The following GPSM2 variants were observed in gnomAD, a reference collection of about 807,000 sequenced individuals.
The protein encoded by GPSM2 is G protein-signaling modulator 2.
GPSM2 carries 58 observed loss-of-function variants against 78.4 expected under a neutral mutation model. That is an observed-to-expected ratio of 0.74 (90% CI 0.60 to 0.92). The LOEUF (loss-of-function observed/expected upper bound fraction) is 0.92, where lower values mean the gene tolerates loss of function less well. Ranked by LOEUF, GPSM2 falls within the 40% of genes least tolerant of loss-of-function variation. The pLI, the probability that GPSM2 is intolerant of heterozygous loss-of-function variation, is 0.00. For missense variants in GPSM2, 700 were observed against 815.5 expected (o/e 0.86, Z 1.73); for synonymous variants, 224 against 280.2 (o/e 0.80, Z 2.00).
chr1:108,931,565 T>C lies in GPSM2; in HGVS notation c.*1625T>C. 1 of 1,474,446 alleles carries C rather than the reference T, an allele frequency of 6.8e-7. No individual in the cohort carries two copies. Among genetic ancestry groups the C allele is most frequent in the African/African-American group, 1.4e-5 (1 of 70,226 alleles). 91.3% of individuals were successfully genotyped at this position (1,474,446 alleles called of 1,614,324 possible). A position where few individuals can be genotyped will look rare whatever the true frequency, so the allele number is the denominator to read the frequency against. On this transcript the variant is annotated 3_prime_UTR_variant, in exon 15 of 15. Coordinates refer to ENST00000264126, the MANE Select transcript of GPSM2 (RefSeq NM_013296.5). ...GATTTGGATGGGCAAATAGAACTATTTCTCTAATGGCCAATGTTTTTTAAG... is the reference window on the plus strand; with the variant it reads ...GATTTGGATGGGCAAATAGAACTATCTCTCTAATGGCCAATGTTTTTTAAG...
intron 12 of GPSM2, 52 bp from the exon 13 acceptor site, chr1:108,922,365 A>G: frequency 7.7e-7 from 1 of 1,300,664 alleles, no homozygotes; most frequent in Non-Finnish European, 1.1e-6. Context: ...TTGATGATCT[A>G]AAGATAATAC....
intron 10 of GPSM2, among the ~76,000 whole-genome samples, chr1:108,911,475 C>T (rs922147425): frequency 7.9e-5 from 12 of 151,946 alleles, no homozygotes; most frequent in East Asian, 1.9e-4. Flanking sequence ...TGCAGTGAGC[C>T]GAGATCACGC....
rs1232781496 is a variant in GPSM2, at chr1:108,904,224, G to C, written c.1162G>C (p.Glu388Gln). 6.3e-7 allele frequency: 1 copy of C among 1,599,590 alleles called. No individual in the cohort carries two copies. ...CAGCACAAATAACTCCATAATGTCT[G>C]AAAATACTGAAATTGATAGCAGTTT... ...SYSTNNSIMS[E>Q]NTEIDSSLNG... Residue 388 changes from glutamate (E) to glutamine (Q), a missense_variant, in exon 10 of 15, where the codon GAA becomes CAA. Transcript: ENST00000264126.
Position 108,903,317 on chromosome 1 carries a change from T to C in GPSM2, c.1062+83T>C, listed in dbSNP as rs1426390315. ...GGGAGGGAACCCTATTTCTCTAGAT[T>C]GATCATGTGGCTGAATAATAAATTT... On this transcript the variant is annotated intron_variant, in intron 9 of 14. Coordinates refer to ENST00000264126, the MANE Select transcript of GPSM2 (RefSeq NM_013296.5). 8.0e-6 allele frequency: 6 copies of C among 747,790 alleles called. No homozygotes were observed. In the South Asian group the frequency reaches 8.8e-5, roughly 11 times the overall value. 46.3% of individuals were successfully genotyped at this position (747,790 alleles called of 1,614,324 possible). A position where few individuals can be genotyped will look rare whatever the true frequency, so the allele number is the denominator to read the frequency against.
Position 108,924,220 on chromosome 1 carries a change from T to G in GPSM2, c.1815+6T>G. On this transcript the variant is annotated splice_donor_region_variant and intron_variant, in intron 14 of 14. Transcript: ENST00000264126. ...ACATCCTTGTAAAATGTCAAGTATG[T>G]CTGTATATTTTTTTCGTTCTGCATA... The G allele has an allele frequency of 6.3e-7, 1 of 1,585,808 alleles. No individual in the cohort carries two copies. The highest frequency in any genetic ancestry group is 1.7e-4 in the Middle Eastern group (1 of 6,022).
intron 1 of GPSM2, among the ~76,000 whole-genome samples, chr1:108,882,326 T>C (rs1485669756): frequency 1.3e-5 from 2 of 152,206 alleles, no homozygotes; most frequent in Non-Finnish European, 2.9e-5. Flanking sequence ...CCAAAATCCA[T>C]GGATGCTCAA....
intron 11 of GPSM2, among the ~76,000 whole-genome samples, chr1:108,914,816 T>C (rs1202707150): frequency 1.3e-5 from 2 of 152,200 alleles, no homozygotes; most frequent in African/African-American, 2.4e-5. Context: ...GACAAGCTTT[T>C]TTCCCCAACT....
At chr1:108,917,855 A>C (rs565572126) in intron 11 of GPSM2, among the ~76,000 whole-genome samples, 1 of 151,056 alleles carries the variant, frequency 6.6e-6, no homozygotes, top group East Asian at 2.0e-4. Context: ...GATTGGTGGA[A>C]ATGTTCTTTG....
intron 2 of GPSM2, among the ~76,000 whole-genome samples, chr1:108,885,950 T>A (rs770775817): frequency 6.6e-6 from 1 of 152,168 alleles, no homozygotes; most frequent in African/African-American, 2.4e-5. Context: ...TTTAATGTGA[T>A]CTTTTAGACA....
Position 108,897,621 on chromosome 1 carries a change from T to A in GPSM2, c.408T>A (p.Asn136Lys). ...QRHLDISREL[N>K]DKVGEARALY... ...ACCTAGATATTTCCAGAGAGCTTAATGACAAGGTAATACCGCAGCATTAGA... is the reference window on the plus strand; with the variant it reads ...ACCTAGATATTTCCAGAGAGCTTAAAGACAAGGTAATACCGCAGCATTAGA... Residue 136 changes from asparagine (N) to lysine (K), a missense_variant, in exon 4 of 15, where the codon AAT becomes AAA. Asn to Lys is a moderately conservative substitution (Grantham distance 94). Coordinates refer to ENST00000264126, the MANE Select transcript of GPSM2 (RefSeq NM_013296.5). 1 of 1,613,698 alleles carries A rather than the reference T, an allele frequency of 6.2e-7. No homozygotes were observed. The highest frequency in any genetic ancestry group is 8.5e-7 in the Non-Finnish European group (1 of 1,179,636).
At chr1:108,879,773 C>G (rs1006905690) in intron 1 of GPSM2, among the ~76,000 whole-genome samples, 2 of 152,110 alleles carry the variant, frequency 1.3e-5, no homozygotes, top group African/African-American at 4.8e-5. Flanking sequence ...CGAGATCGCG[C>G]CACTGCACTC....
chr1:108,919,585 A>T (rs1037025119), intron 12 of GPSM2, among the ~76,000 whole-genome samples: 2 of 152,270 alleles, frequency 1.3e-5, no homozygotes, highest in East Asian at 3.9e-4. Flanking sequence ...CAAAAAATAA[A>T]AAGTTAGCCA....
Position 108,931,581 on chromosome 1 carries a change from G to A in GPSM2, c.*1641G>A, listed in dbSNP as rs2101589278. 1 of 1,311,688 alleles carries A rather than the reference G, an allele frequency of 7.6e-7. No homozygotes were observed. The highest frequency in any genetic ancestry group is 1.0e-6 in the Non-Finnish European group (1 of 999,360). 81.3% of individuals were successfully genotyped at this position (1,311,688 alleles called of 1,614,324 possible). A position where few individuals can be genotyped will look rare whatever the true frequency, so the allele number is the denominator to read the frequency against. ...TAGAACTATTTCTCTAATGGCCAAT[G>A]TTTTTTAAGAGTCATAACCTGGAAT... On this transcript the variant is annotated 3_prime_UTR_variant, in exon 15 of 15. Transcript: ENST00000264126.
chr1:108,883,065 C>T (rs1308311589), intron 1 of GPSM2, among the ~76,000 whole-genome samples: 1 of 152,066 alleles, frequency 6.6e-6, no homozygotes, highest in East Asian at 1.9e-4. Context: ...AGCAAGATCC[C>T]ATCTCTAAAA....
Position 108,903,189 on chromosome 1 carries a change from T to C in GPSM2, c.1017T>C (p.Asp339=), listed in dbSNP as rs774395167. 1.2e-6 allele frequency: 2 copies of C among 1,610,808 alleles called. No individual in the cohort carries two copies. The highest frequency in any genetic ancestry group is 1.3e-5 in the African/African-American group (1 of 74,854). Residue 339 remains aspartate, a synonymous_variant, in exon 9 of 15, where the codon GAT becomes GAC. Coordinates refer to ENST00000264126, the MANE Select transcript of GPSM2 (RefSeq NM_013296.5). ...CATACACAGCACTAGGAAATCATGA[T>C]CAAGCAATGCATTTTGCTGAAAAGC... ...GNAYTALGNH[D]QAMHFAEKHL... is the part of the protein sequence containing the mutation.
rs1382918003 is a variant in GPSM2, at chr1:108,934,499, TTTG to T, written c.*4562_*4564del. 4.3e-6 allele frequency: 3 copies of T among 692,302 alleles called. No individual in the cohort carries two copies. The highest frequency in any genetic ancestry group is 7.0e-6 in the Non-Finnish European group (3 of 430,446). 42.9% of individuals were successfully genotyped at this position (692,302 alleles called of 1,614,324 possible). On this transcript the variant is annotated 3_prime_UTR_variant, in exon 15 of 15. Coordinates refer to ENST00000264126, the MANE Select transcript of GPSM2 (RefSeq NM_013296.5). ...GAAAAGCTTTTACATATATAACGTG[TTTG>T]TTAATTCTAATTGTCAGTAAAAATG...
chr1:108,930,207 A>G lies in GPSM2; in HGVS notation c.*267A>G. ...GGCAGCTTGTGAGATTACTTTACCTAGTGTTTATAAAGTAGGAAGTTAAGT... is the reference window on the plus strand; with the variant it reads ...GGCAGCTTGTGAGATTACTTTACCTGGTGTTTATAAAGTAGGAAGTTAAGT... On this transcript the variant is annotated 3_prime_UTR_variant, in exon 15 of 15. Transcript: ENST00000264126. 1 of 378,250 alleles carries G rather than the reference A, an allele frequency of 2.6e-6. No homozygotes were observed. 23.4% of individuals were successfully genotyped at this position (378,250 alleles called of 1,614,324 possible).
rs1294071961 is a variant in GPSM2, at chr1:108,903,204, T to C, written c.1032T>C (p.Phe344=). Residue 344 remains phenylalanine, a synonymous_variant, in exon 9 of 15, where the codon TTT becomes TTC. Coordinates refer to ENST00000264126, the MANE Select transcript of GPSM2 (RefSeq NM_013296.5). ...GAAATCATGATCAAGCAATGCATTT[T>C]GCTGAAAAGCACTTGGAAATTTCAA... ...ALGNHDQAMH[F]AEKHLEISRE... 4 of 1,606,718 alleles carry C rather than the reference T, an allele frequency of 2.5e-6. No individual in the cohort carries two copies. The highest frequency in any genetic ancestry group is 3.4e-6 in the Non-Finnish European group (4 of 1,173,580).
At chr1:108,923,901 A>C in intron 13 of GPSM2, 99 bp from the exon 14 acceptor site, 1 of 856,246 alleles carries the variant, frequency 1.2e-6, no homozygotes, top group Non-Finnish European at 2.0e-6. Context: ...GGGACTGGCA[A>C]GGCCGAAAAG....
Sources: allele counts gnomAD v4.1 joint callset (sites outside exome capture counted in the v4.1 genomes callset), GRCh38; gene constraint gnomAD v4.1.1; transcripts MANE v1.5; gene names NCBI Gene and HGNC (gene_info 2026-07-23, HGNC 2026-07-21).